Variants in C1QB observed in about 807,000 individuals in gnomAD.
C1QB encodes the protein complement C1q B chain, also known as complement C1q subcomponent subunit B.
A neutral mutation model predicts 4.6 loss-of-function variants in C1QB; 2 were observed. The observed-to-expected ratio is 0.43, with a 90% CI of 0.18 to 1.36. C1QB has a LOEUF of 1.36. Ranked by LOEUF, C1QB falls within the 40% of genes most tolerant of loss-of-function variation. C1QB has a pLI of 0.28. For synonymous variants in C1QB, 132 were observed against 137.1 expected, an observed-to-expected ratio of 0.96 and a Z score of 0.26; for missense variants, 292 against 338.0, an observed-to-expected ratio of 0.86 and a Z score of 1.07.
At chr1:22,653,548 G>A (rs990504206) in intron 1 of C1QB, among the ~76,000 whole-genome samples, 2 of 152,176 alleles carry the variant, frequency 1.3e-5, no homozygotes, top group Non-Finnish European at 2.9e-5. Flanking sequence ...GCACATAGGA[G>A]CTTTGGCATC....
Position 22,661,194 on chromosome 1 carries a change from T to C in C1QB, c.564T>C (p.Arg188=). 6.2e-7 allele frequency: 1 copy of C among 1,614,018 alleles called. No homozygotes were observed. Among genetic ancestry groups the C allele is most frequent in the African/African-American group, 1.3e-5 (1 of 75,012 alleles). The change falls in exon 3 of 3, where the codon CGT becomes CGC. Residue 188 remains arginine (R), a synonymous_variant. Coordinates refer to ENST00000509305, the MANE Select transcript of C1QB (RefSeq NM_001378156.1). ...TGAACCTCATGCGTGGCCGGGAGCG[T>C]GCACAGAAGGTGGTCACCTTCTGTG... is the stretch of plus-strand genomic sequence containing the variant. The part of the protein sequence containing the change: ...LCVNLMRGRE[R]AQKVVTFCDY...
chr1:22,660,478 G>A (rs922731332), intron 2 of C1QB, among the ~76,000 whole-genome samples: 1 of 152,194 alleles, frequency 6.6e-6, no homozygotes, highest in Non-Finnish European at 1.5e-5. Flanking sequence ...ATGTCTGCCA[G>A]GGGTGAGGGA....
chr1:22,659,778 C>G lies in C1QB; in HGVS notation c.181+135C>G, dbSNP rs975184966. The G allele has an allele frequency of 2.9e-6, 3 of 1,047,166 alleles. No individual in the cohort carries two copies. The African/African-American group carries it at 4.8e-5, about 17-fold the overall frequency. The allele number at this position is 1,047,166 out of a possible 1,614,324, so 64.9% of individuals were successfully genotyped here. Reference sequence around the variant, plus strand: ...GCAGCTTGCTGAACCCTTGCAGTAACTTTGCAAGGAGGGAATTCTGATTCC... The same window carrying G: ...GCAGCTTGCTGAACCCTTGCAGTAAGTTTGCAAGGAGGGAATTCTGATTCC... On this transcript the variant is annotated intron_variant, in intron 2 of 2. Transcript: ENST00000509305.
intron 1 of C1QB, among the ~76,000 whole-genome samples, chr1:22,655,231 A>T (rs1249623360): frequency 6.6e-6 from 1 of 152,212 alleles, no homozygotes; most frequent in African/African-American, 2.4e-5. Flanking sequence ...GTGAGAGCTG[A>T]TGCTTATTCA....
In C1QB at chr1:22,661,294, C is replaced by T. The variant is rs144135717; in HGVS notation, c.664C>T (p.Leu222=). ...GCTGGAGCAGGGGGAGAACGTCTTC[C>T]TGCAGGCCACCGACAAGAACTCACT... The part of the protein sequence containing the change: ...LKLEQGENVF[L]QATDKNSLLG... The change falls in exon 3 of 3, where the codon CTG becomes TTG. Residue 222 remains leucine, a synonymous_variant. Coordinates refer to ENST00000509305, the MANE Select transcript of C1QB (RefSeq NM_001378156.1). 4.3e-6 allele frequency: 7 copies of T among 1,613,922 alleles called. No homozygotes were observed. The highest frequency in any genetic ancestry group is 5.9e-6 in the Non-Finnish European group (7 of 1,179,962).
At chr1:22,656,731 C>T (rs776983692) in intron 1 of C1QB, among the ~76,000 whole-genome samples, 25 of 152,144 alleles carry the variant, frequency 1.6e-4, no homozygotes, top group Non-Finnish European at 2.9e-4. Context: ...TAGCATCAGA[C>T]CCCACAGGCT....
intron 1 of C1QB, among the ~76,000 whole-genome samples, chr1:22,656,077 G>A (rs1357440780): frequency 1.3e-5 from 2 of 152,166 alleles, no homozygotes; most frequent in African/African-American, 4.8e-5. Context: ...ATAATGTGAT[G>A]TGCAGCTAGC....
Position 22,659,485 on chromosome 1 carries a change from T to A in C1QB, c.23T>A (p.Ile8Asn). 1 of 1,614,022 alleles carries A rather than the reference T, an allele frequency of 6.2e-7. No homozygotes were observed. The highest frequency in any genetic ancestry group is 1.7e-4 in the Middle Eastern group (1 of 6,058). The part of the protein sequence containing the change: MKIPWGS[I>N]PVLMLLLLLG... Reference sequence around the variant, plus strand: ...ATGATGAAGATCCCATGGGGCAGCATCCCAGTACTGATGTTGCTCCTGCTC... The same window carrying A: ...ATGATGAAGATCCCATGGGGCAGCAACCCAGTACTGATGTTGCTCCTGCTC... The change falls in exon 2 of 3, where the codon ATC (isoleucine) becomes AAC (asparagine). Residue 8 changes from isoleucine (I) to asparagine (N), a missense_variant. Ile to Asn is a moderately radical substitution (Grantham distance 149). Transcript: ENST00000509305.
At chr1:22,660,400 G>A (rs757392797) in intron 2 of C1QB, among the ~76,000 whole-genome samples, 63 of 152,150 alleles carry the variant, frequency 4.1e-4, no homozygotes, top group Non-Finnish European at 7.1e-4. Context: ...TGCTTGGGGG[G>A]TGGAGTGAGA....
Position 22,659,390 on chromosome 1 carries a change from G to A in C1QB, c.-23-50G>A, listed in dbSNP as rs536213260. On this transcript the variant is annotated intron_variant, in intron 1 of 2. Transcript: ENST00000509305. ...TGGATGGATGGATGGATGGATGGATGGATGATAGGATCACCACGGTGGTAA... is the reference window on the plus strand; with the variant it reads ...TGGATGGATGGATGGATGGATGGATAGATGATAGGATCACCACGGTGGTAA... The A allele has an allele frequency of 1.3e-5, 19 of 1,510,074 alleles. No homozygotes were observed. In the African/African-American group the frequency reaches 1.7e-4, roughly 13 times the overall value. 93.5% of individuals were successfully genotyped at this position (1,510,074 alleles called of 1,614,324 possible).
chr1:22,657,166 G>A (rs891825229), intron 1 of C1QB, among the ~76,000 whole-genome samples: 1 of 152,120 alleles, frequency 6.6e-6, no homozygotes, highest in Non-Finnish European at 1.5e-5. Context: ...CCCAGAGGTT[G>A]GGGGGTGGGG....
intron 1 of C1QB, among the ~76,000 whole-genome samples, chr1:22,656,852 G>T (rs1570095185): frequency 6.6e-6 from 1 of 152,132 alleles, no homozygotes; most frequent in South Asian, 2.1e-4. Context: ...CCCCCTGCTT[G>T]GGTTTGGATT....
In C1QB at chr1:22,659,645, T is replaced by TA; in HGVS notation, c.181+3dup. The TA allele has an allele frequency of 6.2e-7, 1 of 1,610,484 alleles. No individual in the cohort carries two copies. ...CCCCAGGGATAAAAGGAGAGAAAGG[T>TA]ACCATGGGATTTAGCAGGACACTGG... On this transcript the variant is annotated splice_region_variant and intron_variant, in intron 2 of 2. Transcript: ENST00000509305.
At position 22,661,029 on chromosome 1, in the gene C1QB, C is replaced by A; in HGVS notation, c.399C>A (p.Arg133=). 1 of 1,614,004 alleles carries A rather than the reference C, an allele frequency of 6.2e-7. No homozygotes were observed. Among genetic ancestry groups the A allele is most frequent in the Non-Finnish European group, 8.5e-7 (1 of 1,179,990 alleles). Residue 133 remains arginine, a synonymous_variant, in exon 3 of 3, where the codon CGC becomes CGA. Transcript: ENST00000509305. ...CAAGAACCATCAACGTCCCCCTGCG[C>A]CGGGACCAGACCATCCGCTTCGACC... is the stretch of plus-strand genomic sequence containing the variant. The part of the protein sequence containing the change: ...SATRTINVPL[R]RDQTIRFDHV...
chr1:22,655,657 C>G (rs1642518737), intron 1 of C1QB, among the ~76,000 whole-genome samples: 1 of 152,164 alleles, frequency 6.6e-6, no homozygotes, highest in Non-Finnish European at 1.5e-5. Context: ...TAATCACAAC[C>G]CACTTCCCCA....
In C1QB at chr1:22,661,296, G is replaced by A. The variant is rs1642619090; in HGVS notation, c.666G>A (p.Leu222=). ...LKLEQGENVF[L]QATDKNSLLG... ...TGGAGCAGGGGGAGAACGTCTTCCT[G>A]CAGGCCACCGACAAGAACTCACTAC... Residue 222 remains leucine, a synonymous_variant, in exon 3 of 3, where the codon CTG becomes CTA. Transcript: ENST00000509305. 6.2e-7 allele frequency: 1 copy of A among 1,614,050 alleles called. No homozygotes were observed. Among genetic ancestry groups the A allele is most frequent in the South Asian group, 1.1e-5 (1 of 91,068 alleles).
At chr1:22,659,731 T>A (rs546949143) in intron 2 of C1QB, 88 bp downstream of exon 2, 1 of 1,467,006 alleles carries the variant, frequency 6.8e-7, no homozygotes, top group Admixed American at 2.0e-5. Flanking sequence ...CCTTTGAGAC[T>A]GCAAAAGCAC....
intron 1 of C1QB, among the ~76,000 whole-genome samples, chr1:22,658,234 C>T (rs1171659165): frequency 6.6e-6 from 1 of 152,214 alleles, no homozygotes; most frequent in Non-Finnish European, 1.5e-5. Flanking sequence ...TCTTGCTCCC[C>T]TCTGTCATAC....
intron 1 of C1QB, among the ~76,000 whole-genome samples, chr1:22,658,198 C>T (rs1305066451): frequency 6.6e-6 from 1 of 152,198 alleles, no homozygotes; most frequent in Non-Finnish European, 1.5e-5. Flanking sequence ...AGTTGCCTCT[C>T]CACTCTTGCT....
Sources: gnomAD v4.1 joint callset for allele counts (sites outside exome capture counted in the v4.1 genomes callset) on GRCh38, gnomAD v4.1.1 for gene constraint, MANE v1.5 for transcripts, NCBI Gene and HGNC (gene_info 2026-07-23, HGNC 2026-07-21) for gene names.